Variants in CDK15 observed in about 807,000 individuals in gnomAD.
CDK15 encodes cyclin-dependent kinase 15.
A neutral mutation model predicts 60.3 loss-of-function variants in CDK15; 62 were observed. That is an observed-to-expected ratio of 1.03 (90% CI 0.84 to 1.27). The LOEUF (loss-of-function observed/expected upper bound fraction) is 1.27. CDK15 is among the 50% of genes most tolerant of loss of function. CDK15 has a pLI of 0.00. For missense variants in CDK15, 541 were observed against 527.8 expected (o/e 1.03, Z -0.25); for synonymous variants, 194 against 195.7 (o/e 0.99, Z 0.07).
chr2:201,883,422 C>T (rs552581311), intron 12 of CDK15, among the ~76,000 whole-genome samples: 3 of 152,290 alleles, frequency 2.0e-5, no homozygotes, highest in South Asian at 2.1e-4. Flanking sequence ...ATTTTCATGA[C>T]GCTGAGAAGT....
chr2:201,873,323 G>A (rs1698931492), intron 11 of CDK15, among the ~76,000 whole-genome samples: 1 of 152,188 alleles, frequency 6.6e-6, no homozygotes, highest in African/African-American at 2.4e-5. Context: ...CAACAGCACT[G>A]TATAACCTGA....
At position 201,894,881 on chromosome 2, in the gene CDK15, CACTT is replaced by C. The variant is rs1183907517; in HGVS notation, c.*1619_*1622del. The C allele has an allele frequency of 3.3e-5, 5 of 152,188 alleles. No individual in the cohort carries two copies. The highest frequency in any genetic ancestry group is 9.7e-5 in the African/African-American group (4 of 41,442). The allele number at this position is 152,188 out of a possible 1,614,324, so 9.4% of individuals were successfully genotyped here. A position where few individuals can be genotyped will look rare whatever the true frequency, so the allele number is the denominator to read the frequency against. ...GCCAATGAACAGCAGGCCAAAACAA[CACTT>C]ACTTGCATCAAATTTCATCTGACTT... On this transcript the variant is annotated 3_prime_UTR_variant, in exon 14 of 14. Transcript: ENST00000652192.
chr2:201,833,716 CTT>C (rs768867701), intron 6 of CDK15, 130 bp from the exon 7 acceptor site: 1,389 of 169,302 alleles, frequency 8.2e-3, no homozygotes, highest in East Asian at 0.011. Flanking sequence ...TCTTCTTCTT[CTT>C]TTTTTTTTTT....
At chr2:201,824,554 T>C (rs1052989414) in intron 6 of CDK15, 3 of 264,004 alleles carry the variant, frequency 1.1e-5, no homozygotes, top group Non-Finnish European at 2.3e-5. Context: ...GCAGCCACCA[T>C]GGGCTCAGGC....
intron 8 of CDK15, among the ~76,000 whole-genome samples, chr2:201,836,068 T>TTATATTTATATATATTTA (rs1279574787): frequency 1.4e-4 from 2 of 14,568 alleles, no homozygotes; most frequent in African/African-American, 3.0e-4. Context: ...TTATATATAT[T>TTATATTTATATATATTTA]TATATTTATA....
At chr2:201,855,754 T>C (rs1698116660) in intron 10 of CDK15, among the ~76,000 whole-genome samples, 1 of 152,132 alleles carries the variant, frequency 6.6e-6, no homozygotes, top group Non-Finnish European at 1.5e-5. Flanking sequence ...CCAAGCCAGA[T>C]TTTTCTAGTC....
chr2:201,890,311 A>G (rs1279163490), intron 12 of CDK15, among the ~76,000 whole-genome samples: 1 of 152,106 alleles, frequency 6.6e-6, no homozygotes, highest in African/African-American at 2.4e-5. Flanking sequence ...TTCTTCCTTC[A>G]TATCTTTGCT....
intron 6 of CDK15, 38 bp from the exon 7 acceptor site, chr2:201,833,810 G>A (rs372228383): frequency 6.2e-7 from 1 of 1,600,564 alleles, no homozygotes; most frequent in Non-Finnish European, 8.5e-7. Context: ...GCACGTGGTG[G>A]CTCAAATCTC....
chr2:201,826,115 G>A (rs867933446), intron 6 of CDK15, among the ~76,000 whole-genome samples: 1 of 152,126 alleles, frequency 6.6e-6, no homozygotes, highest in African/African-American at 2.4e-5. Context: ...AAAGAAATAC[G>A]ATCTAGTACT....
chr2:201,860,966 C>G (rs1698369257), intron 10 of CDK15: 2 of 1,224,460 alleles, frequency 1.6e-6, no homozygotes, highest in African/African-American at 3.1e-5. Context: ...GAGCAAGTCT[C>G]TGTGTTTGCT....
intron 6 of CDK15, among the ~76,000 whole-genome samples, chr2:201,824,075 C>G (rs1258636938): frequency 6.6e-6 from 1 of 152,086 alleles, no homozygotes; most frequent in Non-Finnish European, 1.5e-5. Context: ...AAAATAAATA[C>G]CTTCTTCATA....
At chr2:201,870,362 G>T (rs1247017015) in intron 10 of CDK15, among the ~76,000 whole-genome samples, 1 of 152,022 alleles carries the variant, frequency 6.6e-6, no homozygotes, top group Non-Finnish European at 1.5e-5. Context: ...TTGTTGTGAT[G>T]AACAGCCTTG....
chr2:201,871,597 T>A (rs1698853699), intron 10 of CDK15, among the ~76,000 whole-genome samples: 1 of 152,172 alleles, frequency 6.6e-6, no homozygotes, highest in South Asian at 2.1e-4. Flanking sequence ...TTTGTATTCT[T>A]CCCAGCACTT....
chr2:201,840,182 G>A (rs904027939), intron 8 of CDK15, among the ~76,000 whole-genome samples: 4 of 151,910 alleles, frequency 2.6e-5, no homozygotes, highest in South Asian at 2.1e-4. Context: ...ACGGAGTTTC[G>A]CCATGTTGGC....
intron 9 of CDK15, among the ~76,000 whole-genome samples, chr2:201,849,968 G>C (rs1468562328): frequency 6.6e-6 from 1 of 152,072 alleles, no homozygotes; most frequent in Non-Finnish European, 1.5e-5. Context: ...GGAATTACAG[G>C]TGCCCGCCAC....
chr2:201,839,645 A>G (rs189565399), intron 8 of CDK15, among the ~76,000 whole-genome samples: 41 of 149,650 alleles, frequency 2.7e-4, no homozygotes, highest in African/African-American at 9.1e-4. Flanking sequence ...TTTACTCCCT[A>G]ATGTTTCAGA....
At chr2:201,876,131 T>TA (rs200076168) in intron 11 of CDK15, among the ~76,000 whole-genome samples, 2,609 of 152,312 alleles carry the variant, frequency 0.017, 29 homozygotes, top group South Asian at 0.064. Context: ...TTCATTTTTT[T>TA]ATGCCAATGT....
At chr2:201,871,441 G>A (rs560504562) in intron 10 of CDK15, among the ~76,000 whole-genome samples, 1 of 150,918 alleles carries the variant, frequency 6.6e-6, no homozygotes, top group African/African-American at 2.4e-5. Flanking sequence ...GAGCCACCAC[G>A]CCTGGCTCCC....
intron 12 of CDK15, chr2:201,889,094 G>A: frequency 1.0e-6 from 1 of 985,388 alleles, no homozygotes; most frequent in Non-Finnish European, 1.2e-6. Context: ...ATTACCCACA[G>A]CATTTAAGGG....
Sources: gnomAD v4.1 joint callset for allele counts (sites outside exome capture counted in the v4.1 genomes callset) on GRCh38, gnomAD v4.1.1 for gene constraint, MANE v1.5 for transcripts, NCBI Gene and HGNC (gene_info 2026-07-23, HGNC 2026-07-21) for gene names.